Variants in USP34 observed in about 807,000 individuals in gnomAD.
USP34 encodes the protein ubiquitin specific peptidase 34.
Under a neutral mutation model 460.3 loss-of-function variants are expected in USP34, and 70 were observed. The observed-to-expected ratio is 0.15, with a 90% CI of 0.13 to 0.19. USP34 has a LOEUF of 0.19. Among genes scored for constraint, USP34 ranks in the 10% least tolerant of loss-of-function variants. The probability of loss-of-function intolerance (pLI) is 1.00; values close to 1 mark genes in which losing one functional copy is unlikely to be tolerated. For synonymous variants in USP34, 1,647 were observed against 1,405.3 expected (o/e 1.17, Z -3.85); for missense variants, 3,985 against 4,236.2 (o/e 0.94, Z 1.65).
At chr2:61,468,972 G>A (rs1286330859) in intron 1 of USP34, among the ~76,000 whole-genome samples, 2 of 152,176 alleles carry the variant, frequency 1.3e-5, no homozygotes, top group Non-Finnish European at 2.9e-5. Context: ...ACTTTGGGAG[G>A]CCGAGGCAGG....
chr2:61,229,457 T>TAAAAAAAAAAAAA lies in USP34; in HGVS notation c.7199+78_7199+90dup, dbSNP rs57231258. On this transcript the variant is annotated intron_variant, in intron 59 of 79. Coordinates refer to ENST00000398571, the MANE Select transcript of USP34 (RefSeq NM_014709.4). ...GGCAACATGAAGAAACCCTATCTCT[T>TAAAAAAAAAAAAA]AAAAAAAAAAAAAAAAAACAAAAAA... 309 of 381,688 alleles carry TAAAAAAAAAAAAA rather than the reference T, an allele frequency of 8.1e-4. 11 individuals carry two copies. The highest frequency in any genetic ancestry group is 1.0e-3 in the African/African-American group (28 of 27,328). 23.6% of individuals were successfully genotyped at this position (381,688 alleles called of 1,614,324 possible).
At chr2:61,255,756 T>C (rs1199696452) in intron 48 of USP34, among the ~76,000 whole-genome samples, 1 of 152,220 alleles carries the variant, frequency 6.6e-6, no homozygotes, top group African/African-American at 2.4e-5. Context: ...ATATGAATCA[T>C]CCCTTTGTCC....
chr2:61,440,846 T>A (rs936131827), intron 1 of USP34, among the ~76,000 whole-genome samples: 2 of 150,860 alleles, frequency 1.3e-5, no homozygotes, highest in South Asian at 2.1e-4. Context: ...AAAAAAAAAA[T>A]TTCGGGTGCA....
intron 27 of USP34, among the ~76,000 whole-genome samples, chr2:61,307,669 C>CT (rs530913558): frequency 2.6e-4 from 39 of 151,928 alleles, no homozygotes; most frequent in East Asian, 2.5e-3. Context: ...TTTAGAGAAA[C>CT]TTTTTTCTAG....
intron 48 of USP34, among the ~76,000 whole-genome samples, chr2:61,254,695 C>A (rs1424072774): frequency 6.6e-6 from 1 of 152,124 alleles, no homozygotes; most frequent in East Asian, 1.9e-4. Context: ...TGGCTTCATG[C>A]CTGTAATATC....
At chr2:61,227,741 A>C (rs1359283341) in intron 61 of USP34, among the ~76,000 whole-genome samples, 6 of 152,028 alleles carry the variant, frequency 3.9e-5, no homozygotes, top group East Asian at 1.9e-4. Context: ...ACAAACAAAA[A>C]AAAAACAAAA....
intron 15 of USP34, 67 bp from the exon 16 acceptor site, chr2:61,344,096 A>T (rs1691687638): frequency 6.9e-6 from 10 of 1,455,766 alleles, no homozygotes; most frequent in Middle Eastern, 2.0e-4. Flanking sequence ...AACCACAAAA[A>T]ATACCTCTCT....
chr2:61,336,208 G>A (rs535571305), intron 18 of USP34, among the ~76,000 whole-genome samples: 58 of 150,264 alleles, frequency 3.9e-4, no homozygotes, highest in African/African-American at 1.3e-3. Flanking sequence ...GCAGTGGTGC[G>A]ATCTTGGCTC....
At chr2:61,460,970 G>C (rs1245084473) in intron 1 of USP34, among the ~76,000 whole-genome samples, 3 of 141,510 alleles carry the variant, frequency 2.1e-5, no homozygotes, top group South Asian at 2.2e-4. Flanking sequence ...AACAGGGCGA[G>C]ACTCCATCTC....
intron 41 of USP34, among the ~76,000 whole-genome samples, chr2:61,271,255 G>A (rs1306262910): frequency 6.6e-6 from 1 of 152,186 alleles, no homozygotes; most frequent in Admixed American, 6.5e-5. Context: ...AGTGGACCGA[G>A]ATCGCACCAC....
chr2:61,322,975 TAA>T (rs1690971789), intron 21 of USP34, among the ~76,000 whole-genome samples: 1 of 152,242 alleles, frequency 6.6e-6, no homozygotes, highest in Admixed American at 6.5e-5. Context: ...TGTTATTTTT[TAA>T]AAGACTATAG....
At position 61,241,661 on chromosome 2, in the gene USP34, A is replaced by G; in HGVS notation, c.6682-6T>C. On this transcript the variant is annotated splice_polypyrimidine_tract_variant and splice_region_variant and intron_variant, in intron 52 of 79. Coordinates refer to ENST00000398571, the MANE Select transcript of USP34 (RefSeq NM_014709.4). ...AGCATATATGCACTGTGTGTCTTTAAGAGGCAAGAAAAAAATTTATTTTCA... is the reference window on the plus strand; with the variant it reads ...AGCATATATGCACTGTGTGTCTTTAGGAGGCAAGAAAAAAATTTATTTTCA... 1.9e-6 allele frequency: 3 copies of G among 1,567,250 alleles called. No homozygotes were observed. Among genetic ancestry groups the G allele is most frequent in the Non-Finnish European group, 2.6e-6 (3 of 1,163,392 alleles).
chr2:61,299,596 A>T (rs577262666), intron 29 of USP34, among the ~76,000 whole-genome samples: 2 of 152,096 alleles, frequency 1.3e-5, no homozygotes, highest in East Asian at 3.9e-4. Flanking sequence ...ACAAAATATT[A>T]AAAAATTAGC....
chr2:61,298,306 G>A (rs1441163347), intron 29 of USP34, among the ~76,000 whole-genome samples: 1 of 145,692 alleles, frequency 6.9e-6, no homozygotes, highest in Non-Finnish European at 1.5e-5. Flanking sequence ...CGGATCACAA[G>A]GTCAGGAGAT....
intron 1 of USP34, among the ~76,000 whole-genome samples, chr2:61,447,254 CAAAAAAAAAAAAAAAAAAA>C (rs763711140): frequency 3.4e-5 from 2 of 59,620 alleles, no homozygotes; most frequent in African/African-American, 1.2e-4. Flanking sequence ...AACTGTCTTC[CAAAAAAAAAAAAAAAAAAA>C]AAAAAAAAAC....
intron 2 of USP34, among the ~76,000 whole-genome samples, chr2:61,413,156 A>G (rs2442037): frequency 0.54 from 81,867 of 151,794 alleles, 22,302 homozygotes; most frequent in South Asian, 0.73. Context: ...AGCACTTTGG[A>G]AGGCTGAGGC....
chr2:61,255,963 G>A (rs1417358690), intron 48 of USP34, among the ~76,000 whole-genome samples: 2 of 152,180 alleles, frequency 1.3e-5, no homozygotes, highest in African/African-American at 4.8e-5. Context: ...GCAAAAAGCA[G>A]TATATATAGG....
intron 71 of USP34, among the ~76,000 whole-genome samples, 159 bp downstream of exon 71, chr2:61,206,601 G>A (rs544579274): frequency 4.6e-5 from 7 of 152,270 alleles, no homozygotes; most frequent in Admixed American, 2.6e-4. Flanking sequence ...TTTACATCAG[G>A]AGTTCATGAC....
chr2:61,400,858 A>G (rs1376910856), intron 3 of USP34, among the ~76,000 whole-genome samples: 1 of 152,152 alleles, frequency 6.6e-6, no homozygotes, highest in East Asian at 1.9e-4. Context: ...TGATTCAAAA[A>G]TTAAAAAATA....
Sources: gnomAD v4.1 joint callset for allele counts (sites outside exome capture counted in the v4.1 genomes callset) on GRCh38, gnomAD v4.1.1 for gene constraint, MANE v1.5 for transcripts, NCBI Gene and HGNC (gene_info 2026-07-23, HGNC 2026-07-21) for gene names.